Variants in PTPRM observed in about 807,000 individuals in gnomAD.
The protein encoded by PTPRM is receptor-type tyrosine-protein phosphatase mu.
In PTPRM, 47 loss-of-function variants were observed where a neutral mutation model predicts 186.7. That is an observed-to-expected ratio of 0.25 (90% confidence interval 0.20 to 0.32). The LOEUF (loss-of-function observed/expected upper bound fraction) is 0.32, where lower values mean the gene tolerates loss of function less well. Among genes scored for constraint, PTPRM ranks in the 10% least tolerant of loss-of-function variants. PTPRM has a pLI of 1.00. For synonymous variants in PTPRM, 668 were observed against 674.9 expected, an observed-to-expected ratio of 0.99 and a Z score of 0.16; for missense variants, 1,494 against 1,865.0, an observed-to-expected ratio of 0.80 and a Z score of 3.66.
intron 14 of PTPRM, among the ~76,000 whole-genome samples, chr18:8,243,163 T>C (rs532416714): frequency 2.6e-5 from 4 of 152,320 alleles, no homozygotes; most frequent in African/African-American, 7.2e-5. Flanking sequence ...CTTCTGGCTT[T>C]TGTACAGGTG....
chr18:7,633,401 T>C (rs1280684436), intron 1 of PTPRM, among the ~76,000 whole-genome samples: 1 of 152,170 alleles, frequency 6.6e-6, no homozygotes, highest in Non-Finnish European at 1.5e-5. Flanking sequence ...CTCAGAATCA[T>C]TCAGCAAATA....
intron 7 of PTPRM, among the ~76,000 whole-genome samples, chr18:7,999,814 C>T (rs1455418942): frequency 6.6e-6 from 1 of 151,978 alleles, no homozygotes; most frequent in Non-Finnish European, 1.5e-5. Flanking sequence ...TGTGTGCACA[C>T]ACACAAAGAT....
At chr18:7,675,508 G>T (rs894164076) in intron 1 of PTPRM, among the ~76,000 whole-genome samples, 39 of 152,048 alleles carry the variant, frequency 2.6e-4, no homozygotes, top group African/African-American at 8.9e-4. Context: ...GTTTGAAACA[G>T]GTAGTCTAAA....
At position 8,406,317 on chromosome 18, in the gene PTPRM, C is replaced by T; in HGVS notation, c.*155C>T. 1 of 673,920 alleles carries T rather than the reference C, an allele frequency of 1.5e-6. No individual in the cohort carries two copies. Among genetic ancestry groups the T allele is most frequent in the Non-Finnish European group, 2.5e-6 (1 of 400,066 alleles). The allele number at this position is 673,920 out of a possible 1,614,324, so 41.7% of individuals were successfully genotyped here. A position where few individuals can be genotyped will look rare whatever the true frequency, so the allele number is the denominator to read the frequency against. ...GCCCAAGAAAGTGTTTCTAAAATTG[C>T]TTGCACTGCCCAATCCCAGTAATGC... is the stretch of plus-strand genomic sequence containing the variant. On this transcript the variant is annotated 3_prime_UTR_variant, in exon 33 of 33. Transcript: ENST00000580170.
chr18:8,120,476 TTTTC>T (rs554931231), intron 13 of PTPRM, among the ~76,000 whole-genome samples: 9 of 149,578 alleles, frequency 6.0e-5, no homozygotes, highest in African/African-American at 1.5e-4. Context: ...CTCTTTTTCT[TTTTC>T]TTTCTTTCTT....
intron 1 of PTPRM, among the ~76,000 whole-genome samples, chr18:7,647,614 G>T (rs755966717): frequency 1.3e-5 from 2 of 152,210 alleles, no homozygotes; most frequent in Non-Finnish European, 2.9e-5. Flanking sequence ...GTAAGGCTAC[G>T]CTGGTGTGTC....
chr18:7,972,479 T>TAAAAAAAAAAAAAAAAAAAAAAAAAAATA (rs11445031), intron 7 of PTPRM, among the ~76,000 whole-genome samples: 1 of 44,362 alleles, frequency 2.3e-5, no homozygotes, highest in African/African-American at 1.2e-4. Flanking sequence ...AAAAAAACAT[T>TAAAAAAAAAAAAAAAAAAAAAAAAAAATA]AAAAAAAAAA....
intron 7 of PTPRM, among the ~76,000 whole-genome samples, chr18:7,963,800 G>T (rs1055689432): frequency 6.6e-6 from 1 of 152,178 alleles, no homozygotes; most frequent in African/African-American, 2.4e-5. Context: ...CAGGTCATCA[G>T]TCGCTGTCAG....
chr18:8,214,732 C>T (rs558030126), intron 14 of PTPRM, among the ~76,000 whole-genome samples: 10 of 152,284 alleles, frequency 6.6e-5, no homozygotes, highest in South Asian at 2.1e-4. Flanking sequence ...GGCGCAATCT[C>T]GGTCCACTGC....
At chr18:7,669,317 C>T (rs1307572802) in intron 1 of PTPRM, among the ~76,000 whole-genome samples, 2 of 151,540 alleles carry the variant, frequency 1.3e-5, no homozygotes, top group East Asian at 2.0e-4. Flanking sequence ...GACAATACTA[C>T]GAGAGCCACA....
At chr18:7,884,924 C>CAAAAAAAAAA (rs56724615) in intron 2 of PTPRM, among the ~76,000 whole-genome samples, 393 of 37,838 alleles carry the variant, frequency 0.01, 18 homozygotes, top group Non-Finnish European at 0.016. Flanking sequence ...AGCTCCATCT[C>CAAAAAAAAAA]AAAAAAAAAA....
At chr18:7,836,594 G>A (rs1017292458) in intron 2 of PTPRM, among the ~76,000 whole-genome samples, 1 of 152,094 alleles carries the variant, frequency 6.6e-6, no homozygotes, top group Admixed American at 6.6e-5. Flanking sequence ...TTACAAGTGA[G>A]CTTCAGATGA....
At chr18:8,314,706 T>C in intron 20 of PTPRM, 75 bp from the exon 21 acceptor site, 1 of 1,027,616 alleles carries the variant, frequency 9.7e-7, no homozygotes, top group South Asian at 1.4e-5. Flanking sequence ...TGTAATATGC[T>C]TACATTCTGG....
intron 6 of PTPRM, 27 bp from the exon 7 acceptor site, chr18:7,955,094 A>G: frequency 6.4e-7 from 1 of 1,564,566 alleles, no homozygotes; most frequent in Non-Finnish European, 8.7e-7. Context: ...AAGCATCTGA[A>G]AGACAGCTTT....
intron 13 of PTPRM, among the ~76,000 whole-genome samples, chr18:8,142,459 A>C (rs1250093856): frequency 2.6e-5 from 4 of 152,174 alleles, no homozygotes; most frequent in African/African-American, 9.7e-5. Flanking sequence ...AGGACACAAA[A>C]AAACAGATGG....
chr18:8,091,216 G>A lies in PTPRM; in HGVS notation c.1856+2365G>A, dbSNP rs72909817. 2.4e-3 allele frequency among the ~76,000 whole-genome samples: 361 copies of A among 152,150 alleles called. 1 individual carries two copies. Among genetic ancestry groups the A allele is most frequent in the Non-Finnish European group, 3.8e-3 (260 of 67,986 alleles). On this transcript the variant is annotated intron_variant, in intron 11 of 32. Coordinates refer to ENST00000580170, the MANE Select transcript of PTPRM (RefSeq NM_001105244.2). ...AGACCTTACATCATTTCATCACTTT[G>A]TATTGCCTCACCCTCTTTTACAGTT...
intron 31 of PTPRM, among the ~76,000 whole-genome samples, chr18:8,390,531 G>A (rs918519178): frequency 3.3e-5 from 5 of 152,120 alleles, no homozygotes; most frequent in Non-Finnish European, 5.9e-5. Flanking sequence ...CAAAGGACTC[G>A]GCCACAATGT....
chr18:7,796,440 C>T (rs2043652028), intron 2 of PTPRM, among the ~76,000 whole-genome samples: 1 of 152,210 alleles, frequency 6.6e-6, no homozygotes, highest in East Asian at 1.9e-4. Flanking sequence ...GGCAGGAGGG[C>T]ATGGGTACAC....
chr18:8,117,330 T>A, intron 13 of PTPRM, among the ~76,000 whole-genome samples: 1 of 152,228 alleles, frequency 6.6e-6, no homozygotes, highest in East Asian at 1.9e-4. Flanking sequence ...AGTTTTCAGA[T>A]ACAGAATTGC....
Sources: gnomAD v4.1 joint callset for allele counts (sites outside exome capture counted in the v4.1 genomes callset) on GRCh38, gnomAD v4.1.1 for gene constraint, MANE v1.5 for transcripts, NCBI Gene and HGNC (gene_info 2026-07-23, HGNC 2026-07-21) for gene names.